Variants in VSIG4 observed in about 807,000 individuals in gnomAD.
VSIG4 encodes V-set and immunoglobulin domain containing 4.
A neutral mutation model predicts 23.4 loss-of-function variants in VSIG4; 34 were observed. The ratio of observed to expected loss-of-function variants is 1.45; its 90% CI spans 1.10 to 1.93. The LOEUF (loss-of-function observed/expected upper bound fraction) is 1.93, where lower values mean the gene tolerates loss of function less well. Ranked by LOEUF, VSIG4 falls within the 30% of genes most tolerant of loss-of-function variation. VSIG4 has a pLI of 0.00. For synonymous variants in VSIG4, 169 were observed against 120.3 expected, an observed-to-expected ratio of 1.41 and a Z score of -2.65; for missense variants, 433 against 310.8, an observed-to-expected ratio of 1.39 and a Z score of -2.96.
At chrX:66,024,198 G>T (rs1424294141) in intron 6 of VSIG4, among the ~76,000 whole-genome samples, 2 of 112,176 alleles carry the variant, frequency 1.8e-5, no homozygotes, top group Non-Finnish European at 3.8e-5. Context: ...TTTTCTTTTA[G>T]AAACAAGCAT....
In VSIG4 at chrX:66,033,661, G is replaced by C. The variant is rs746661337; in HGVS notation, c.225C>G (p.Asp75Glu). The change falls in exon 2 of 8, where the codon GAC (aspartate) becomes GAG (glutamate). Residue 75 changes from aspartate (D) to glutamate (E), a missense_variant. Physicochemically the swap from Asp to Glu is conservative, Grantham distance 45. Coordinates refer to ENST00000374737, the MANE Select transcript of VSIG4 (RefSeq NM_007268.3). ...VTIFLRDSSG[D>E]HIQQAKYQGR... ...CCTGGTACTTTGCCTGCTGGATATG[G>C]TCTCCAGAAGAGTCACGTAGAAAGA... The C allele has an allele frequency of 5.8e-6, 7 of 1,211,396 alleles. No homozygotes were observed. Among genetic ancestry groups the C allele is most frequent in the Non-Finnish European group, 7.8e-6 (7 of 895,413 alleles).
rs933076652 is a variant in VSIG4 at position 66,022,724 on chromosome X, G to T, written c.962+117C>A. On this transcript the variant is annotated intron_variant, in intron 7 of 7. Coordinates refer to ENST00000374737, the MANE Select transcript of VSIG4 (RefSeq NM_007268.3). ...AAGGCAGCTATGTCCTGACCCTGAA[G>T]GCCTCCGGCCTTAGGATTGGGTCTG... The T allele has an allele frequency of 8.5e-6, 10 of 1,176,309 alleles. No individual in the cohort carries two copies. In the African/African-American group the frequency reaches 1.8e-4, roughly 21 times the overall value.
intron 1 of VSIG4, among the ~76,000 whole-genome samples, chrX:66,039,333 TG>T (rs775344542): frequency 8.9e-6 from 1 of 111,795 alleles, no homozygotes; most frequent in South Asian, 3.8e-4. Flanking sequence ...CTGGGGTTTT[TG>T]GATGGAAGTC....
At chrX:66,028,558 C>CTT (rs34660062) in intron 3 of VSIG4, among the ~76,000 whole-genome samples, 127 of 74,228 alleles carry the variant, frequency 1.7e-3, no homozygotes, top group East Asian at 0.017. Context: ...ACGTAATCAA[C>CTT]TTTTTTTTTT....
intron 5 of VSIG4, among the ~76,000 whole-genome samples, chrX:66,025,886 C>T (rs1476506898): frequency 1.8e-5 from 2 of 112,315 alleles, no homozygotes; most frequent in Non-Finnish European, 3.8e-5. Context: ...TAATTCTTCT[C>T]CAAACCCTCC....
chrX:66,021,844 T>C lies in VSIG4; in HGVS notation c.*419A>G. On this transcript the variant is annotated 3_prime_UTR_variant, in exon 8 of 8. Coordinates refer to ENST00000374737, the MANE Select transcript of VSIG4 (RefSeq NM_007268.3). ...CTGGCCTGTGAAATAACAATTTCAA[T>C]TAAAAGCTGTCTGGCCCTGAAGAAA... 3.5e-6 allele frequency: 1 copy of C among 282,055 alleles called. No individual in the cohort carries two copies. The highest frequency in any genetic ancestry group is 6.5e-6 in the Non-Finnish European group (1 of 152,705). 23.2% of individuals were successfully genotyped at this position (282,055 alleles called of 1,213,427 possible).
intron 6 of VSIG4, among the ~76,000 whole-genome samples, chrX:66,024,254 C>T (rs2085364791): frequency 8.9e-6 from 1 of 112,548 alleles, no homozygotes. Flanking sequence ...TTAAATGGCT[C>T]TGACAACTGT....
chrX:66,024,092 A>G (rs1343802029), intron 6 of VSIG4, among the ~76,000 whole-genome samples: 1 of 112,567 alleles, frequency 8.9e-6, no homozygotes, highest in African/African-American at 3.2e-5. Flanking sequence ...GGTAGTAACC[A>G]GGCTATTTGG....
In VSIG4 at chrX:66,025,081, C is replaced by A. The variant is rs1337385413; in HGVS notation, c.884G>T (p.Cys295Phe). 1.7e-6 allele frequency: 2 copies of A among 1,204,620 alleles called. No homozygotes were observed. The highest frequency in any genetic ancestry group is 2.2e-5 in the Admixed American group (1 of 45,199). The change falls in exon 6 of 8, where the codon TGT (cysteine) becomes TTT (phenylalanine). Residue 295 changes from cysteine to phenylalanine, a missense_variant. Physicochemically the swap from Cys to Phe is radical, Grantham distance 205. Coordinates refer to ENST00000374737, the MANE Select transcript of VSIG4 (RefSeq NM_007268.3). ...FAIILIISLC[C>F]MVVFTMAYIM... is the part of the protein sequence containing the mutation. ...ATAGGCCATGGTAAAAACCACCATACAGCACAAGGAGATGATGAGGATGAT... is the reference window on the plus strand; with the variant it reads ...ATAGGCCATGGTAAAAACCACCATAAAGCACAAGGAGATGATGAGGATGAT...
intron 7 of VSIG4, 37 bp downstream of exon 7, chrX:66,022,804 G>A (rs201693617): frequency 8.3e-7 from 1 of 1,211,410 alleles, no homozygotes. Flanking sequence ...TGAGGGCAGG[G>A]ACGGGGTCAA....
chrX:66,034,243 T>C (rs1236687260), intron 1 of VSIG4, among the ~76,000 whole-genome samples: 1 of 112,238 alleles, frequency 8.9e-6, no homozygotes, highest in Non-Finnish European at 1.9e-5. Context: ...CCAAAAGAGA[T>C]GTGGAAGCAA....
rs1468161387 is a variant in VSIG4, at chrX:66,027,495, C to T, written c.789G>A (p.Trp263Ter). ...ATSTVKQSWD[W>*]TTDMDGYLGE... Reference sequence around the variant, plus strand: ...CAAGGTAGCCATCCATGTCAGTGGTCCAGTCCCAGGACTGCTTCACTGTAG... The same window carrying T: ...CAAGGTAGCCATCCATGTCAGTGGTTCAGTCCCAGGACTGCTTCACTGTAG... Residue 263 changes from tryptophan (W) to a stop codon, truncating the protein, a stop_gained, in exon 5 of 8, where the codon TGG becomes TGA. Transcript: ENST00000374737. LOFTEE classifies it high-confidence loss of function. 2 of 1,203,664 alleles carry T rather than the reference C, an allele frequency of 1.7e-6. No individual in the cohort carries two copies. Among genetic ancestry groups the T allele is most frequent in the East Asian group, 6.0e-5 (2 of 33,587 alleles).
At chrX:66,039,491 A>C (rs1314021901) in intron 1 of VSIG4, among the ~76,000 whole-genome samples, 1 of 111,841 alleles carries the variant, frequency 8.9e-6, no homozygotes, top group African/African-American at 3.3e-5. Flanking sequence ...ATGACAATGA[A>C]GGGTGGTATA....
intron 3 of VSIG4, 117 bp downstream of exon 3, chrX:66,032,351 C>A: frequency 3.2e-6 from 3 of 945,185 alleles, no homozygotes; most frequent in East Asian, 3.2e-5. Context: ...ATTGTACAAC[C>A]ATTGCCTGCT....
intron 3 of VSIG4, among the ~76,000 whole-genome samples, chrX:66,030,860 C>T (rs780421932): frequency 7.2e-5 from 8 of 111,126 alleles, no homozygotes; most frequent in Non-Finnish European, 1.5e-4. Flanking sequence ...CTCAGCAGTC[C>T]AAGAACATGA....
intron 5 of VSIG4, among the ~76,000 whole-genome samples, chrX:66,026,468 CTA>C (rs1254751899): frequency 8.9e-6 from 1 of 111,929 alleles, no homozygotes; most frequent in Non-Finnish European, 1.9e-5. Flanking sequence ...AACCAACTCC[CTA>C]TGAGGCAATT....
At position 66,040,067 on chromosome X, in the gene VSIG4, C is replaced by T. The variant is rs2085666734; in HGVS notation, c.-69G>A. 8.9e-7 allele frequency: 1 copy of T among 1,120,309 alleles called. No homozygotes were observed. The highest frequency in any genetic ancestry group is 1.2e-6 in the Non-Finnish European group (1 of 815,037). 92.3% of individuals were successfully genotyped at this position (1,120,309 alleles called of 1,213,427 possible). On this transcript the variant is annotated 5_prime_UTR_variant, in exon 1 of 8. Transcript: ENST00000374737. ...CCAAAGAGGCTCAAACTTCTGGTGG[C>T]CGCCAGCGTCTGTGACTGCTTACTT...
At chrX:66,025,002 A>G in intron 6 of VSIG4, 23 bp downstream of exon 6, 1 of 1,103,961 alleles carries the variant, frequency 9.1e-7, no homozygotes, top group Non-Finnish European at 1.2e-6. Flanking sequence ...AGCCAAAGCC[A>G]CCTTCTCATA....
At chrX:66,022,919 A>C in intron 6 of VSIG4, 57 bp from the exon 7 acceptor site, 1 of 1,150,385 alleles carries the variant, frequency 8.7e-7, no homozygotes, top group Non-Finnish European at 1.2e-6. Context: ...ACAAAGGTCA[A>C]TCATGGATCC....
Sources: allele counts gnomAD v4.1 joint callset (sites outside exome capture counted in the v4.1 genomes callset), GRCh38; gene constraint gnomAD v4.1.1; transcripts MANE v1.5; gene names NCBI Gene and HGNC (gene_info 2026-07-23, HGNC 2026-07-21).